The following TP63 variants were observed in gnomAD, a reference collection of about 807,000 sequenced individuals.
TP63 encodes tumor protein 63.
TP63 carries 17 observed loss-of-function variants against 82.8 expected under a neutral mutation model. The observed-to-expected ratio is 0.21, with a 90% CI of 0.14 to 0.31. The LOEUF (loss-of-function observed/expected upper bound fraction) is 0.31, where lower values mean the gene tolerates loss of function less well. TP63 is among the 10% of genes least tolerant of loss of function. TP63 has a pLI of 1.00. For missense variants in TP63, 648 were observed against 895.3 expected (o/e 0.72, Z 3.52); for synonymous variants, 330 against 321.7 (o/e 1.03, Z -0.28).
chr3:189,668,889 CCA>C (rs2108667236), intron 1 of TP63, among the ~76,000 whole-genome samples: 1 of 151,832 alleles, frequency 6.6e-6, no homozygotes, highest in East Asian at 1.9e-4. Context: ...GAGATTTCCC[CCA>C]GATTTCATGA....
chr3:189,747,362 T>C (rs1721459196), intron 3 of TP63, among the ~76,000 whole-genome samples: 1 of 152,050 alleles, frequency 6.6e-6, no homozygotes, highest in Non-Finnish European at 1.5e-5. Flanking sequence ...AAAATAAGTC[T>C]CAAAAATTTT....
chr3:189,869,431 GTT>G, intron 9 of TP63, 25 bp downstream of exon 9: 2 of 1,603,400 alleles, frequency 1.2e-6, no homozygotes, highest in South Asian at 2.2e-5. Flanking sequence ...GGTGTTCATG[GTT>G]GCTTCATTTT....
chr3:189,617,128 C>A, the TP63 span, among the ~76,000 whole-genome samples: 1 of 152,104 alleles, frequency 6.6e-6, no homozygotes, highest in Non-Finnish European at 1.5e-5. Flanking sequence ...GGGGATTATC[C>A]CCCACCCTCT....
chr3:189,768,866 G>A (rs1448267449), intron 3 of TP63, among the ~76,000 whole-genome samples: 2 of 152,108 alleles, frequency 1.3e-5, no homozygotes, highest in Non-Finnish European at 2.9e-5. Flanking sequence ...AAACTTCCTA[G>A]TAAATGACAT....
At chr3:189,691,326 G>A (rs1285664409) in intron 1 of TP63, among the ~76,000 whole-genome samples, 1 of 107,700 alleles carries the variant, frequency 9.3e-6, no homozygotes, top group Non-Finnish European at 1.8e-5. Flanking sequence ...GTGATAGAAT[G>A]AGACTCCATC....
At chr3:189,626,088 C>T in the TP63 span, among the ~76,000 whole-genome samples, 3 of 152,292 alleles carry the variant, frequency 2.0e-5, no homozygotes, top group South Asian at 4.1e-4. Flanking sequence ...TTGCAATGCA[C>T]TTGCTTTTTC....
chr3:189,711,881 G>A (rs1718621972), intron 1 of TP63, among the ~76,000 whole-genome samples: 1 of 152,198 alleles, frequency 6.6e-6, no homozygotes, highest in South Asian at 2.1e-4. Context: ...TAGGTAGGCT[G>A]ATGGAACTTC....
At position 189,734,236 on chromosome 3, in the gene TP63, A is replaced by G. The variant is rs1720405911; in HGVS notation, c.63-3504A>G. ...GCCCAGGCTGGCATGCAGTGGCTCA[A>G]TCTTGGCACACTGCCACCTCTGCCT... On this transcript the variant is annotated intron_variant, in intron 1 of 13. Transcript: ENST00000264731. Among the ~76,000 whole-genome samples the G allele has an allele frequency of 3.5e-5, 5 of 141,960 alleles. No homozygotes were observed. The South Asian group carries it at 1.1e-3, about 31-fold the overall frequency. The allele number at this position is 141,960 out of a possible 152,430, so 93.1% of individuals were successfully genotyped here.
intron 10 of TP63, among the ~76,000 whole-genome samples, chr3:189,874,848 G>A (rs1035174217): frequency 2.6e-5 from 4 of 152,130 alleles, no homozygotes; most frequent in African/African-American, 9.7e-5. Context: ...AGATATGTGT[G>A]TCATGGTATT....
At chr3:189,765,424 T>A (rs1267437101) in intron 3 of TP63, among the ~76,000 whole-genome samples, 4 of 140,250 alleles carry the variant, frequency 2.9e-5, no homozygotes, top group African/African-American at 1.1e-4. Flanking sequence ...GTAAATATCC[T>A]GTCCTCTGCT....
intron 1 of TP63, among the ~76,000 whole-genome samples, chr3:189,719,822 A>G (rs1303547242): frequency 6.6e-6 from 1 of 152,176 alleles, no homozygotes; most frequent in East Asian, 1.9e-4. Flanking sequence ...TTTCTCTATG[A>G]ACTTTAAAAA....
At chr3:189,799,505 C>A (rs1342685898) in intron 3 of TP63, among the ~76,000 whole-genome samples, 1 of 152,046 alleles carries the variant, frequency 6.6e-6, no homozygotes, top group Non-Finnish European at 1.5e-5. Flanking sequence ...CCTAGACCAT[C>A]AGGTTAAAAA....
chr3:189,695,231 A>G (rs1301201171), intron 1 of TP63, among the ~76,000 whole-genome samples: 1 of 152,152 alleles, frequency 6.6e-6, no homozygotes, highest in Non-Finnish European at 1.5e-5. Context: ...ATACATTGGA[A>G]TATAATTAAA....
In TP63 at chr3:189,817,259, C is replaced by A. The variant is rs548820318; in HGVS notation, c.579+8733C>A. Among the ~76,000 whole-genome samples the A allele has an allele frequency of 2.0e-4, 31 of 152,118 alleles. No homozygotes were observed. The East Asian group carries it at 2.9e-3, about 14-fold the overall frequency. On this transcript the variant is annotated intron_variant, in intron 4 of 13. Coordinates refer to ENST00000264731, the MANE Select transcript of TP63 (RefSeq NM_003722.5). Reference sequence around the variant, plus strand: ...GAGGAGACTATTTCTAAAGACTTTTCCTTTGAGTGGTTTCCAAGTTGTATT... The same window carrying A: ...GAGGAGACTATTTCTAAAGACTTTTACTTTGAGTGGTTTCCAAGTTGTATT...
chr3:189,870,325 T>TA (rs886124157), intron 9 of TP63, among the ~76,000 whole-genome samples: 3 of 151,898 alleles, frequency 2.0e-5, no homozygotes, highest in Admixed American at 6.6e-5. Context: ...AAAAAAACAA[T>TA]AAAAAAATAC....
Position 189,800,164 on chromosome 3 carries a change from C to T in TP63, c.325-8108C>T, listed in dbSNP as rs138532345. On this transcript the variant is annotated intron_variant, in intron 3 of 13. Coordinates refer to ENST00000264731, the MANE Select transcript of TP63 (RefSeq NM_003722.5). ...GATGACATCTGAGCTAAAGGTTGAA[C>T]AAGGAATTGGAAAACAGCTGGCATG... is the stretch of plus-strand genomic sequence containing the variant. 5.3e-5 allele frequency among the ~76,000 whole-genome samples: 8 copies of T among 152,144 alleles called. No homozygotes were observed. In the East Asian group the frequency reaches 1.5e-3, roughly 29 times the overall value.
Position 189,735,827 on chromosome 3 carries a change from A to G in TP63, c.63-1913A>G, listed in dbSNP as rs114313712. On this transcript the variant is annotated intron_variant, in intron 1 of 13. Coordinates refer to ENST00000264731, the MANE Select transcript of TP63 (RefSeq NM_003722.5). ...TACTCCACACGTGTGATAAAATTGT[A>G]TAAAATGAAATACACACACATATAT... Among the ~76,000 whole-genome samples the G allele has an allele frequency of 3.4e-3, 519 of 151,832 alleles. 5 individuals carry two copies. The highest frequency in any genetic ancestry group is 0.012 in the African/African-American group (492 of 41,558).
At chr3:189,758,723 C>A (rs149705051) in intron 3 of TP63, among the ~76,000 whole-genome samples, 1 of 152,326 alleles carries the variant, frequency 6.6e-6, no homozygotes, top group East Asian at 1.9e-4. Flanking sequence ...GAGGTCTCTG[C>A]AGACCCATAC....
the TP63 span, among the ~76,000 whole-genome samples, chr3:189,623,108 A>G: frequency 6.6e-6 from 1 of 152,302 alleles, no homozygotes; most frequent in East Asian, 1.9e-4. Context: ...CTACACCCCC[A>G]AAAGAAATCA....
Sources: allele counts gnomAD v4.1 joint callset (sites outside exome capture counted in the v4.1 genomes callset), GRCh38; gene constraint gnomAD v4.1.1; transcripts MANE v1.5; gene names NCBI Gene and HGNC (gene_info 2026-07-23, HGNC 2026-07-21).